SNX3: variants seen among roughly 807,000 people sequenced by gnomAD.
SNX3 encodes the protein sorting nexin-3.
A neutral mutation model predicts 17.7 loss-of-function variants in SNX3; 5 were observed. The observed-to-expected ratio is 0.28, with a 90% CI of 0.15 to 0.59. SNX3 has a LOEUF of 0.59. Ranked by LOEUF, SNX3 falls within the 20% of genes least tolerant of loss-of-function variation. SNX3 has a pLI of 0.88. For synonymous variants in SNX3, 91 were observed against 76.5 expected (o/e 1.19, Z -0.99); for missense variants, 132 against 206.8 (o/e 0.64, Z 2.22).
rs147403655 is a variant in SNX3, at chr6:108,218,364, A to G, written c.259-3742T>C. Among the ~76,000 whole-genome samples the G allele has an allele frequency of 2.4e-3, 369 of 152,372 alleles. 1 individual carries two copies. The highest frequency in any genetic ancestry group is 2.7e-3 in the Non-Finnish European group (182 of 68,040). On this transcript the variant is annotated intron_variant, in intron 2 of 3. Transcript: ENST00000230085. Reference sequence around the variant, plus strand: ...CCCCTTCACAAACAGTAGGATAGCTATAATAAAGAAGACAGGCAATTGGTA... The same window carrying G: ...CCCCTTCACAAACAGTAGGATAGCTGTAATAAAGAAGACAGGCAATTGGTA...
At chr6:108,225,679 G>A in intron 1 of SNX3, among the ~76,000 whole-genome samples, 1 of 151,708 alleles carries the variant, frequency 6.6e-6, no homozygotes, top group Non-Finnish European at 1.5e-5. Context: ...AATAAAAAAT[G>A]GTTTATGACT....
intron 1 of SNX3, among the ~76,000 whole-genome samples, chr6:108,232,227 C>T (rs752264551): frequency 1.5e-4 from 23 of 152,026 alleles, no homozygotes; most frequent in Non-Finnish European, 2.9e-4. Context: ...TATGTGTATG[C>T]CGGATACTCT....
intron 1 of SNX3, among the ~76,000 whole-genome samples, chr6:108,249,729 T>C (rs1223364235): frequency 6.6e-6 from 1 of 152,200 alleles, no homozygotes; most frequent in East Asian, 1.9e-4. Flanking sequence ...AAAGTTACAA[T>C]TTCTATGTAA....
chr6:108,233,793 G>C (rs1775241325), intron 1 of SNX3, among the ~76,000 whole-genome samples: 1 of 152,144 alleles, frequency 6.6e-6, no homozygotes, highest in Non-Finnish European at 1.5e-5. Flanking sequence ...TTGGGAATTT[G>C]TACAATCACC....
At chr6:108,250,436 G>A (rs1402591664) in intron 1 of SNX3, among the ~76,000 whole-genome samples, 2 of 152,152 alleles carry the variant, frequency 1.3e-5, no homozygotes, top group African/African-American at 4.8e-5. Flanking sequence ...TATAAAAAAA[G>A]GTAAGCCCAT....
intron 1 of SNX3, among the ~76,000 whole-genome samples, chr6:108,253,175 A>G (rs1192004593): frequency 6.6e-6 from 1 of 152,212 alleles, no homozygotes; most frequent in African/African-American, 2.4e-5. Context: ...TCACCAGGAT[A>G]GCTCAAAGCA....
At chr6:108,224,681 T>C (rs1774922638) in intron 1 of SNX3, among the ~76,000 whole-genome samples, 1 of 152,182 alleles carries the variant, frequency 6.6e-6, no homozygotes, top group African/African-American at 2.4e-5. Context: ...TTAATGGCCT[T>C]CTAAAAAATG....
chr6:108,238,727 C>T (rs967880855), intron 1 of SNX3, among the ~76,000 whole-genome samples: 1 of 152,184 alleles, frequency 6.6e-6, no homozygotes, highest in Non-Finnish European at 1.5e-5. Flanking sequence ...TTCACTAAGG[C>T]TGTATCTTAC....
intron 1 of SNX3, among the ~76,000 whole-genome samples, chr6:108,242,315 A>G (rs1303435286): frequency 6.6e-6 from 1 of 152,220 alleles, no homozygotes; most frequent in African/African-American, 2.4e-5. Flanking sequence ...CTATACATCC[A>G]AGAAGCTCAA....
chr6:108,227,465 T>C (rs886401402), intron 1 of SNX3, among the ~76,000 whole-genome samples: 1 of 152,212 alleles, frequency 6.6e-6, no homozygotes, highest in African/African-American at 2.4e-5. Context: ...TTTTCCCTTT[T>C]GAACTTTTGA....
At chr6:108,221,503 T>C (rs1234221861) in intron 2 of SNX3, among the ~76,000 whole-genome samples, 1 of 144,364 alleles carries the variant, frequency 6.9e-6, no homozygotes, top group Non-Finnish European at 1.5e-5. Context: ...AAACGAGGAA[T>C]ACAGTATTAC....
At chr6:108,212,617 C>A (rs570588932) in intron 3 of SNX3, among the ~76,000 whole-genome samples, 5 of 152,106 alleles carry the variant, frequency 3.3e-5, no homozygotes, top group Non-Finnish European at 7.4e-5. Context: ...GGATTACAGG[C>A]GTGAGCCACT....
At chr6:108,235,506 CT>C (rs1021174889) in intron 1 of SNX3, among the ~76,000 whole-genome samples, 1 of 152,178 alleles carries the variant, frequency 6.6e-6, no homozygotes, top group African/African-American at 2.4e-5. Context: ...CAATAATCAA[CT>C]GAAGCAATAA....
chr6:108,219,766 A>C (rs1373622794), intron 2 of SNX3, among the ~76,000 whole-genome samples: 1 of 152,188 alleles, frequency 6.6e-6, no homozygotes, highest in Non-Finnish European at 1.5e-5. Flanking sequence ...ATTCCCTATA[A>C]ATACATGGGT....
intron 1 of SNX3, among the ~76,000 whole-genome samples, chr6:108,253,837 C>T (rs889259355): frequency 6.6e-6 from 1 of 152,022 alleles, no homozygotes; most frequent in Non-Finnish European, 1.5e-5. Flanking sequence ...TTTAAACCAC[C>T]ACTGCCGGCC....
intron 1 of SNX3, among the ~76,000 whole-genome samples, chr6:108,260,384 T>C (rs1012674932): frequency 6.6e-6 from 1 of 152,212 alleles, no homozygotes; most frequent in African/African-American, 2.4e-5. Flanking sequence ...GGGAAAAGGC[T>C]TTAACTTTGC....
At chr6:108,218,722 C>A (rs1403612031) in intron 2 of SNX3, among the ~76,000 whole-genome samples, 1 of 152,212 alleles carries the variant, frequency 6.6e-6, no homozygotes, top group Non-Finnish European at 1.5e-5. Context: ...AAAGCATGAA[C>A]TGTGAAAACA....
At chr6:108,251,543 C>G (rs1775859075) in intron 1 of SNX3, among the ~76,000 whole-genome samples, 1 of 152,126 alleles carries the variant, frequency 6.6e-6, no homozygotes, top group Non-Finnish European at 1.5e-5. Context: ...TTCCCCTTGG[C>G]TAGAATGTGA....
At chr6:108,245,762 G>A (rs931356627) in intron 1 of SNX3, among the ~76,000 whole-genome samples, 2 of 152,196 alleles carry the variant, frequency 1.3e-5, no homozygotes, top group African/African-American at 4.8e-5. Context: ...TTTGAGAAGT[G>A]TCTGTTCATA....
Sources: allele counts gnomAD v4.1 joint callset (sites outside exome capture counted in the v4.1 genomes callset), GRCh38; gene constraint gnomAD v4.1.1; transcripts MANE v1.5; gene names NCBI Gene and HGNC (gene_info 2026-07-23, HGNC 2026-07-21).